The following NRCAM variants were observed in gnomAD, a reference collection of about 807,000 sequenced individuals.
NRCAM encodes NgCAM-related cell adhesion molecule.
In NRCAM, 83 loss-of-function variants were observed where a neutral mutation model predicts 156.5. The ratio of observed to expected loss-of-function variants is 0.53; its 90% CI spans 0.44 to 0.64. The LOEUF is 0.64. Ranked by LOEUF, NRCAM falls within the 30% of genes least tolerant of loss-of-function variation. NRCAM has a pLI of 0.00. For synonymous variants in NRCAM, 538 were observed against 563.9 expected (o/e 0.95, Z 0.65); for missense variants, 1,417 against 1,597.3 (o/e 0.89, Z 1.92).
At chr7:108,278,663 C>T (rs188987262) in intron 3 of NRCAM, among the ~76,000 whole-genome samples, 49 of 152,350 alleles carry the variant, frequency 3.2e-4, no homozygotes, top group African/African-American at 1.1e-3. Context: ...CAGTCACTCA[C>T]AGCTTCCCTT....
intron 11 of NRCAM, among the ~76,000 whole-genome samples, chr7:108,222,504 C>T (rs1006787814): frequency 6.6e-6 from 1 of 152,148 alleles, no homozygotes; most frequent in Non-Finnish European, 1.5e-5. Flanking sequence ...TGGAGGCTGG[C>T]AGACTATGCC....
At chr7:108,184,658 G>C (rs542501696) in intron 20 of NRCAM, 44 bp from the exon 21 acceptor site, 173 of 1,572,704 alleles carry the variant, frequency 1.1e-4, no homozygotes, top group Middle Eastern at 2.3e-4. Flanking sequence ...CGTGAATTCA[G>C]TCAACTCAGG....
chr7:108,265,723 T>C (rs904668942), intron 3 of NRCAM, among the ~76,000 whole-genome samples: 1 of 152,256 alleles, frequency 6.6e-6, no homozygotes, highest in Non-Finnish European at 1.5e-5. Flanking sequence ...TATTAACATA[T>C]AATGGTTTGT....
chr7:108,294,606 A>G (rs1246929471), intron 3 of NRCAM, among the ~76,000 whole-genome samples: 2 of 152,230 alleles, frequency 1.3e-5, no homozygotes, highest in Non-Finnish European at 2.9e-5. Flanking sequence ...AAATAGACAT[A>G]TCCAAGGGCT....
intron 2 of NRCAM, among the ~76,000 whole-genome samples, chr7:108,361,573 T>C (rs528145176): frequency 3.3e-5 from 5 of 152,288 alleles, no homozygotes; most frequent in East Asian, 3.9e-4. Flanking sequence ...AACTGAAACA[T>C]TGGCTCTTCC....
chr7:108,175,423 T>C lies in NRCAM; in HGVS notation c.3152-66A>G, dbSNP rs2060105468. The C allele has an allele frequency of 3.7e-6, 5 of 1,334,838 alleles. No individual in the cohort carries two copies. The Admixed American group carries it at 9.0e-5, about 24-fold the overall frequency. 82.7% of individuals were successfully genotyped at this position (1,334,838 alleles called of 1,614,324 possible). Reference sequence around the variant, plus strand: ...GATGTAACACACCCATGAGCATGTATAGCGATACAAAAACACTTATTAAAA... The same window carrying C: ...GATGTAACACACCCATGAGCATGTACAGCGATACAAAAACACTTATTAAAA... On this transcript the variant is annotated intron_variant, in intron 27 of 32. Transcript: ENST00000379028.
intron 30 of NRCAM, among the ~76,000 whole-genome samples, chr7:108,163,508 G>A (rs1563203802): frequency 6.6e-6 from 1 of 152,350 alleles, no homozygotes; most frequent in South Asian, 2.1e-4. Flanking sequence ...CAAACGCTTA[G>A]ATGTGTTTAG....
At chr7:108,378,437 A>C (rs1025900025) in intron 2 of NRCAM, among the ~76,000 whole-genome samples, 2 of 152,132 alleles carry the variant, frequency 1.3e-5, no homozygotes, top group African/African-American at 4.8e-5. Flanking sequence ...AAAGAGAGAG[A>C]AATACATTTA....
chr7:108,304,086 CAATCA>C (rs2098677318), intron 3 of NRCAM, among the ~76,000 whole-genome samples: 1 of 152,168 alleles, frequency 6.6e-6, no homozygotes, highest in Non-Finnish European at 1.5e-5. Flanking sequence ...AAATTACTTT[CAATCA>C]TTTCTTAGGT....
At chr7:108,272,703 T>C (rs1027941372) in intron 3 of NRCAM, among the ~76,000 whole-genome samples, 2 of 151,984 alleles carry the variant, frequency 1.3e-5, no homozygotes, top group East Asian at 1.9e-4. Context: ...TTATATATCA[T>C]GTTATCTTTC....
chr7:108,398,256 C>G (rs186801432), intron 2 of NRCAM, among the ~76,000 whole-genome samples: 1 of 152,190 alleles, frequency 6.6e-6, no homozygotes, highest in Non-Finnish European at 1.5e-5. Flanking sequence ...TCACCCACAT[C>G]AGAAATCCAA....
intron 5 of NRCAM, among the ~76,000 whole-genome samples, chr7:108,237,182 T>G (rs1186826314): frequency 6.6e-6 from 1 of 152,220 alleles, no homozygotes; most frequent in Non-Finnish European, 1.5e-5. Flanking sequence ...TGGAAAGTTT[T>G]GCTCAGAGCA....
At chr7:108,438,882 C>T (rs1835296041) in intron 1 of NRCAM, among the ~76,000 whole-genome samples, 1 of 151,842 alleles carries the variant, frequency 6.6e-6, no homozygotes, top group Admixed American at 6.6e-5. Flanking sequence ...CACAATAGCA[C>T]CACAAAAAAT....
chr7:108,191,534 AC>A (rs2071524186), intron 18 of NRCAM, among the ~76,000 whole-genome samples, 194 bp downstream of exon 18: 1 of 152,188 alleles, frequency 6.6e-6, no homozygotes, highest in Non-Finnish European at 1.5e-5. Flanking sequence ...CCACCATTTC[AC>A]CCAGTGCTGC....
At chr7:108,371,678 C>T (rs2099629633) in intron 2 of NRCAM, among the ~76,000 whole-genome samples, 1 of 152,144 alleles carries the variant, frequency 6.6e-6, no homozygotes, top group South Asian at 2.1e-4. Flanking sequence ...GACACTGCCT[C>T]TTATTCCAGA....
At chr7:108,250,918 T>A (rs994920071) in intron 3 of NRCAM, among the ~76,000 whole-genome samples, 7 of 152,106 alleles carry the variant, frequency 4.6e-5, no homozygotes, top group African/African-American at 1.2e-4. Context: ...ATTAAAAAAA[T>A]TTTTAAAGTT....
intron 2 of NRCAM, among the ~76,000 whole-genome samples, chr7:108,391,124 T>C (rs1417192257): frequency 2.6e-5 from 4 of 152,216 alleles, no homozygotes; most frequent in African/African-American, 9.7e-5. Context: ...TTCCTGGATA[T>C]CCCTATTAAC....
intron 31 of NRCAM, 118 bp downstream of exon 31, chr7:108,160,243 C>T (rs772631142): frequency 4.0e-6 from 4 of 993,134 alleles, no homozygotes; most frequent in Non-Finnish European, 4.5e-6. Context: ...AGAGAAAGTC[C>T]AAACTCATGG....
chr7:108,256,720 G>A (rs2096681252), intron 3 of NRCAM, among the ~76,000 whole-genome samples: 2 of 152,122 alleles, frequency 1.3e-5, no homozygotes, highest in African/African-American at 4.8e-5. Flanking sequence ...GAAATCTTTA[G>A]AAATGCAAAA....
Sources: allele counts gnomAD v4.1 joint callset (sites outside exome capture counted in the v4.1 genomes callset), GRCh38; gene constraint gnomAD v4.1.1; transcripts MANE v1.5; gene names NCBI Gene and HGNC (gene_info 2026-07-23, HGNC 2026-07-21).